PCDHA5: variants seen among roughly 807,000 people sequenced by gnomAD.
PCDHA5 encodes the protein protocadherin alpha 5.
PCDHA5 carries 43 observed loss-of-function variants against 61.6 expected under a neutral mutation model. That is an observed-to-expected ratio of 0.70 (90% CI 0.55 to 0.90). The LOEUF (loss-of-function observed/expected upper bound fraction) is 0.90, where lower values mean the gene tolerates loss of function less well. PCDHA5 is among the 40% of genes least tolerant of loss of function. The probability of loss-of-function intolerance (pLI) is 0.00; values close to 1 mark genes in which losing one functional copy is unlikely to be tolerated. For synonymous variants in PCDHA5, 627 were observed against 543.9 expected (o/e 1.15, Z -2.13); for missense variants, 1,298 against 1,222.7 (o/e 1.06, Z -0.92).
intron 1 of PCDHA5, among the ~76,000 whole-genome samples, chr5:140,855,480 A>T (rs567213059): frequency 4.7e-5 from 7 of 150,092 alleles, no homozygotes; most frequent in Middle Eastern, 6.8e-3. Context: ...GATGCTTGAC[A>T]TTAGTGTCTA....
intron 1 of PCDHA5, among the ~76,000 whole-genome samples, chr5:140,954,191 G>C (rs201162017): frequency 2.0e-5 from 3 of 152,150 alleles, no homozygotes; most frequent in Non-Finnish European, 4.4e-5. Flanking sequence ...TCATTGATGG[G>C]CATTTGGGTT....
chr5:140,831,783 C>CCTCTATTT, intron 1 of PCDHA5, among the ~76,000 whole-genome samples: 1 of 152,198 alleles, frequency 6.6e-6, no homozygotes, highest in East Asian at 1.9e-4. Context: ...GATTGTTTCA[C>CCTCTATTT]CTCTATTTCA....
rs57893927 is a variant in PCDHA5 at position 140,946,631 on chromosome 5, T to TATATATATATATACACAC, written c.2353-32317_2353-32316insTATATATATATACACACA. ...TGTGAAATATATATATATATATATA[T>TATATATATATATACACAC]ACAATGGAATACTCATCAGCCATTA... On this transcript the variant is annotated intron_variant, in intron 1 of 3. Transcript: ENST00000529859. Among the ~76,000 whole-genome samples the TATATATATATATACACAC allele has an allele frequency of 9.9e-5, 13 of 131,856 alleles. 1 individual carries two copies. The East Asian group carries it at 2.7e-3, about 27-fold the overall frequency. 86.5% of individuals were successfully genotyped at this position (131,856 alleles called of 152,430 possible). A position where few individuals can be genotyped will look rare whatever the true frequency, so the allele number is the denominator to read the frequency against.
intron 1 of PCDHA5, among the ~76,000 whole-genome samples, chr5:140,956,151 C>A (rs1193859248): frequency 6.6e-6 from 1 of 152,156 alleles, no homozygotes; most frequent in African/African-American, 2.4e-5. Flanking sequence ...CTTTCTCTTT[C>A]CTAATTGCCA....
At chr5:140,987,643 A>G (rs1205279586) in intron 3 of PCDHA5, among the ~76,000 whole-genome samples, 1 of 152,232 alleles carries the variant, frequency 6.6e-6, no homozygotes, top group Non-Finnish European at 1.5e-5. Context: ...ATGCACACAT[A>G]TTGCAGAATC....
At chr5:140,851,386 G>A (rs1374142206) in intron 1 of PCDHA5, 1 of 975,080 alleles carries the variant, frequency 1.0e-6, no homozygotes, top group African/African-American at 1.8e-5. Flanking sequence ...GCAACCTTCA[G>A]TATCTATTAT....
intron 3 of PCDHA5, among the ~76,000 whole-genome samples, chr5:140,999,495 A>G (rs868986339): frequency 6.6e-6 from 1 of 152,142 alleles, no homozygotes; most frequent in South Asian, 2.1e-4. Flanking sequence ...TATGTTACCC[A>G]AGAACCTACA....
chr5:140,883,859 T>C (rs1554180306), intron 1 of PCDHA5: 12 of 1,613,116 alleles, frequency 7.4e-6, no homozygotes, highest in East Asian at 2.2e-5. Context: ...GCTGGAGCTG[T>C]TGCAGTTCCA....
At chr5:140,880,369 G>A (rs1055944264) in intron 1 of PCDHA5, among the ~76,000 whole-genome samples, 4 of 152,210 alleles carry the variant, frequency 2.6e-5, no homozygotes, top group African/African-American at 9.7e-5. Context: ...TGAAAACCAT[G>A]AGAGAATAGA....
At chr5:140,997,141 C>T (rs941650589) in intron 3 of PCDHA5, among the ~76,000 whole-genome samples, 6 of 152,088 alleles carry the variant, frequency 3.9e-5, no homozygotes, top group Admixed American at 2.6e-4. Flanking sequence ...CCCACACCCC[C>T]GCCACAGTGA....
rs151115812 is a variant in PCDHA5, at chr5:140,834,685, A to G, written c.2352+10558A>G. 2.2e-3 allele frequency: 3,569 copies of G among 1,614,218 alleles called. 59 individuals carry two copies. The African/African-American group carries it at 0.04, about 18-fold the overall frequency. The stretch of plus-strand genomic sequence containing the variant: ...GAGGAGCTGTGCGGGCGGAGCGCGG[A>G]GTGCAGCATCCACCTGGAGGTGATC... On this transcript the variant is annotated intron_variant, in intron 1 of 3. Coordinates refer to ENST00000529859, the MANE Select transcript of PCDHA5 (RefSeq NM_018908.3).
At chr5:140,855,751 T>G in intron 1 of PCDHA5, 1 of 328,292 alleles carries the variant, frequency 3.0e-6, no homozygotes, top group Non-Finnish European at 5.6e-6. Flanking sequence ...ATGTGAGGCT[T>G]TGAAAGTCCA....
At chr5:140,915,814 A>G (rs2077313905) in intron 1 of PCDHA5, among the ~76,000 whole-genome samples, 1 of 152,102 alleles carries the variant, frequency 6.6e-6, no homozygotes, top group African/African-American at 2.4e-5. Flanking sequence ...TGTTCACTCA[A>G]GGCCCTAGGG....
intron 1 of PCDHA5, among the ~76,000 whole-genome samples, chr5:140,891,792 G>A (rs2063250974): frequency 6.6e-6 from 1 of 152,152 alleles, no homozygotes; most frequent in Non-Finnish European, 1.5e-5. Flanking sequence ...TAGATTATGA[G>A]GGATCTGCCC....
intron 1 of PCDHA5, among the ~76,000 whole-genome samples, chr5:140,944,359 T>C (rs1248806355): frequency 6.6e-6 from 1 of 152,092 alleles, no homozygotes; most frequent in African/African-American, 2.4e-5. Context: ...GGCTAATTTT[T>C]AATTTTTTAT....
intron 1 of PCDHA5, chr5:140,862,547 G>T: frequency 2.2e-6 from 1 of 455,636 alleles, no homozygotes; most frequent in South Asian, 1.7e-5. Context: ...CGTGGAAGTG[G>T]CCGAACAGTG....
At chr5:140,836,780 T>G in intron 1 of PCDHA5, 1 of 1,484,830 alleles carries the variant, frequency 6.7e-7, no homozygotes, top group East Asian at 2.3e-5. Flanking sequence ...TTTAAAACAA[T>G]TAGTTCAATT....
At chr5:140,918,432 T>C (rs1462854272) in intron 1 of PCDHA5, among the ~76,000 whole-genome samples, 2 of 152,204 alleles carry the variant, frequency 1.3e-5, no homozygotes, top group Non-Finnish European at 2.9e-5. Context: ...GGATGTTGAA[T>C]AGGAGTGGTG....
At chr5:140,884,938 G>A (rs2060412389) in intron 1 of PCDHA5, among the ~76,000 whole-genome samples, 1 of 152,106 alleles carries the variant, frequency 6.6e-6, no homozygotes, top group African/African-American at 2.4e-5. Context: ...TCTTGCAATT[G>A]AGCATTTACA....
Sources: allele counts gnomAD v4.1 joint callset (sites outside exome capture counted in the v4.1 genomes callset), GRCh38; gene constraint gnomAD v4.1.1; transcripts MANE v1.5; gene names NCBI Gene and HGNC (gene_info 2026-07-23, HGNC 2026-07-21).